PTPN14: variants seen among roughly 807,000 people sequenced by gnomAD.
PTPN14 encodes tyrosine-protein phosphatase non-receptor type 14.
Under a neutral mutation model 126.8 loss-of-function variants are expected in PTPN14, and 53 were observed. That is an observed-to-expected ratio of 0.42 (90% CI 0.34 to 0.53). The LOEUF is 0.53. Among genes scored for constraint, PTPN14 ranks in the 20% least tolerant of loss-of-function variants. The pLI is 0.08. For missense variants in PTPN14, 1,257 were observed against 1,552.9 expected (o/e 0.81, Z 3.20); for synonymous variants, 630 against 599.3 (o/e 1.05, Z -0.75).
chr1:214,367,982 AACC>A (rs1658121410), intron 17 of PTPN14, among the ~76,000 whole-genome samples: 1 of 152,190 alleles, frequency 6.6e-6, no homozygotes, highest in Non-Finnish European at 1.5e-5. Flanking sequence ...TTTCTAATAT[AACC>A]ACATTCTAAA....
At chr1:214,441,767 T>C (rs191844310) in intron 3 of PTPN14, among the ~76,000 whole-genome samples, 5 of 152,162 alleles carry the variant, frequency 3.3e-5, no homozygotes, top group Admixed American at 6.5e-5. Flanking sequence ...TTCCCCCTTC[T>C]TTTCACACCT....
At chr1:214,500,413 T>C (rs948188817) in intron 1 of PTPN14, among the ~76,000 whole-genome samples, 5 of 152,150 alleles carry the variant, frequency 3.3e-5, no homozygotes, top group African/African-American at 1.2e-4. Flanking sequence ...TCCTAGTTCT[T>C]TGGATTCAAC....
At chr1:214,455,449 G>A (rs1472442562) in intron 2 of PTPN14, among the ~76,000 whole-genome samples, 8 of 152,106 alleles carry the variant, frequency 5.3e-5, no homozygotes, top group African/African-American at 1.4e-4. Flanking sequence ...CCAAAAGTAA[G>A]CCAGACTCAT....
At position 214,356,136 on chromosome 1, in the gene PTPN14, T is replaced by A. The variant is rs1214398837; in HGVS notation, c.*1786A>T. On this transcript the variant is annotated 3_prime_UTR_variant, in exon 19 of 19. Transcript: ENST00000366956. ...ACCACGCCTGGCTAATTTTTGTACT[T>A]TTTGTAGAGACGGGGTTTCATCATG... is the stretch of plus-strand genomic sequence containing the variant. The A allele has an allele frequency of 6.6e-6, 1 of 152,072 alleles. No homozygotes were observed. Among genetic ancestry groups the A allele is most frequent in the Non-Finnish European group, 1.5e-5 (1 of 68,058 alleles). 9.4% of individuals were successfully genotyped at this position (152,072 alleles called of 1,614,324 possible).
At chr1:214,527,007 C>T (rs1321310518) in intron 1 of PTPN14, among the ~76,000 whole-genome samples, 1 of 152,000 alleles carries the variant, frequency 6.6e-6, no homozygotes, top group African/African-American at 2.4e-5. Context: ...AGGAGAATCA[C>T]TTGAACCCGG....
At chr1:214,416,931 T>G (rs1659440487) in intron 3 of PTPN14, among the ~76,000 whole-genome samples, 1 of 152,014 alleles carries the variant, frequency 6.6e-6, no homozygotes, top group South Asian at 2.1e-4. Flanking sequence ...ATAACAGTAG[T>G]AAAATATAAC....
At chr1:214,410,687 C>A (rs1053609846) in intron 5 of PTPN14, among the ~76,000 whole-genome samples, 4 of 152,144 alleles carry the variant, frequency 2.6e-5, no homozygotes, top group Non-Finnish European at 1.5e-5. Context: ...CCAGTTTTCC[C>A]AGCACCAATT....
In PTPN14 at chr1:214,354,506, G is replaced by T. The variant is rs1166353126; in HGVS notation, c.*3416C>A. On this transcript the variant is annotated 3_prime_UTR_variant, in exon 19 of 19. Transcript: ENST00000366956. ...TACCAGATACTCTTGCTAAAAGATG[G>T]TATATCCAGTATATCCTTAGAACCC... 1 of 152,110 alleles carries T rather than the reference G, an allele frequency of 6.6e-6. No homozygotes were observed. The highest frequency in any genetic ancestry group is 1.5e-5 in the Non-Finnish European group (1 of 68,028). The allele number at this position is 152,110 out of a possible 1,614,324, so 9.4% of individuals were successfully genotyped here.
intron 1 of PTPN14, among the ~76,000 whole-genome samples, chr1:214,506,909 G>GTT (rs367623988): frequency 0.055 from 7,533 of 136,710 alleles, 217 homozygotes; most frequent in Middle Eastern, 0.13. Context: ...AAGAGCGCGG[G>GTT]TTTTTTTTTT....
chr1:214,535,831 T>C (rs1475508778), intron 1 of PTPN14, among the ~76,000 whole-genome samples: 1 of 151,508 alleles, frequency 6.6e-6, no homozygotes, highest in South Asian at 2.1e-4. Flanking sequence ...TCATCAAACA[T>C]TGTGTGAAAG....
In PTPN14 at chr1:214,494,729, A is replaced by C. The variant is rs535795769; in HGVS notation, c.-154-29772T>G. Among the ~76,000 whole-genome samples, 3 of 152,336 alleles carry C rather than the reference A, an allele frequency of 2.0e-5. No individual in the cohort carries two copies. The East Asian group carries it at 5.8e-4, about 29-fold the overall frequency. On this transcript the variant is annotated intron_variant, in intron 1 of 18. Coordinates refer to ENST00000366956, the MANE Select transcript of PTPN14 (RefSeq NM_005401.5). ...AAAATGTTTGGACGTCTAAAGGAAG[A>C]GTGGCCTCTCCTGATGTTTCTAAGA... is the stretch of plus-strand genomic sequence containing the variant.
At chr1:214,499,776 AT>A (rs144125086) in intron 1 of PTPN14, among the ~76,000 whole-genome samples, 8,537 of 151,274 alleles carry the variant, frequency 0.056, 266 homozygotes, top group Middle Eastern at 0.13. Context: ...TTAAGCATTC[AT>A]TTTTTTTTAG....
intron 1 of PTPN14, among the ~76,000 whole-genome samples, chr1:214,520,065 A>AAAAAAAAAAAAAAAAAAAATATATATAT: frequency 5.6e-5 from 4 of 71,140 alleles, no homozygotes; most frequent in Non-Finnish European, 9.5e-5. Context: ...AAAAAAAAAA[A>AAAAAAAAAAAAAAAAAAAATATATATAT]ATATATATAT....
chr1:214,517,501 A>AAC (rs1553274793), intron 1 of PTPN14, among the ~76,000 whole-genome samples: 1 of 151,646 alleles, frequency 6.6e-6, no homozygotes, highest in East Asian at 1.9e-4. Context: ...AAAAAAAAAA[A>AAC]CATAAAGTAA....
chr1:214,366,295 G>C (rs1006848453), intron 17 of PTPN14, among the ~76,000 whole-genome samples: 1 of 152,176 alleles, frequency 6.6e-6, no homozygotes, highest in Non-Finnish European at 1.5e-5. Flanking sequence ...ATTTTTCTGC[G>C]AGGGGGAAAA....
chr1:214,501,522 A>G (rs1022994872), intron 1 of PTPN14, among the ~76,000 whole-genome samples: 1 of 152,102 alleles, frequency 6.6e-6, no homozygotes, highest in Non-Finnish European at 1.5e-5. Flanking sequence ...GATTACAGGC[A>G]TGAATGACCA....
At chr1:214,447,676 A>T (rs953961092) in intron 3 of PTPN14, among the ~76,000 whole-genome samples, 4 of 152,136 alleles carry the variant, frequency 2.6e-5, no homozygotes, top group African/African-American at 9.7e-5. Flanking sequence ...AGGCAACAAA[A>T]ATTTCTGCAA....
chr1:214,433,420 C>A (rs1171254173), intron 3 of PTPN14, among the ~76,000 whole-genome samples: 1 of 151,836 alleles, frequency 6.6e-6, no homozygotes, highest in Non-Finnish European at 1.5e-5. Flanking sequence ...GTGAAAGAAT[C>A]TTAGAGCTAC....
chr1:214,533,866 A>G (rs1378235608), intron 1 of PTPN14, among the ~76,000 whole-genome samples: 4 of 151,530 alleles, frequency 2.6e-5, no homozygotes, highest in Admixed American at 2.0e-4. Context: ...AAGAGAGAGA[A>G]AAAGAAAAAA....
Sources: gnomAD v4.1 joint callset for allele counts (sites outside exome capture counted in the v4.1 genomes callset) on GRCh38, gnomAD v4.1.1 for gene constraint, MANE v1.5 for transcripts, NCBI Gene and HGNC (gene_info 2026-07-23, HGNC 2026-07-21) for gene names.